The following GALNT16 variants were observed in gnomAD, a reference collection of about 807,000 sequenced individuals.
GALNT16 encodes the protein UDP-GalNAc:polypeptide N-acetylgalactosaminyltransferase-like protein 1.
In GALNT16, 40 loss-of-function variants were observed where a neutral mutation model predicts 76.1. The ratio of observed to expected loss-of-function variants is 0.53; its 90% CI spans 0.41 to 0.68. The LOEUF (loss-of-function observed/expected upper bound fraction) is 0.68, where lower values mean the gene tolerates loss of function less well. GALNT16 is among the 30% of genes least tolerant of loss of function. The probability of loss-of-function intolerance (pLI) is 0.00; values close to 1 mark genes in which losing one functional copy is unlikely to be tolerated. For synonymous variants in GALNT16, 276 were observed against 285.2 expected (o/e 0.97, Z 0.32); for missense variants, 621 against 731.9 (o/e 0.85, Z 1.75).
Position 69,328,497 on chromosome 14 carries a change from G to T in GALNT16, c.616G>T (p.Val206Phe). 6.2e-7 allele frequency: 1 copy of T among 1,613,966 alleles called. No individual in the cohort carries two copies. Among genetic ancestry groups the T allele is most frequent in the African/African-American group, 1.3e-5 (1 of 75,014 alleles). Residue 206 changes from valine to phenylalanine, a missense_variant, in exon 6 of 15, where the codon GTT becomes TTT. By Grantham distance (50) the Val-to-Phe change is conservative. Coordinates refer to ENST00000448469, the MANE Select transcript of GALNT16 (RefSeq NM_001168368.2). ...TGGGGCGGACGTGGCTGCAGCTACC[G>T]TTCTCACCTTTCTGGATAGCCACTG... is the stretch of plus-strand genomic sequence containing the variant. ...VRGADVAAAT[V>F]LTFLDSHCEV...
At chr14:69,359,412 A>G (rs971693374), downstream of GALNT16, 1 of 152,136 alleles carries the variant, frequency 6.6e-6, no homozygotes, top group Non-Finnish European at 1.5e-5. Flanking sequence ...ACACTTGTCC[A>G]TTTTTCGTCT....
chr14:69,363,677 T>TAATGAATGAATGAATGAATGAATG, the GALNT16 span, among the ~76,000 whole-genome samples: 150 of 151,978 alleles, frequency 9.9e-4, 2 homozygotes, highest in South Asian at 0.011. Context: ...AAGTGTGTGC[T>TAATGAATGAATGAATGAATGAATG]AATGAATGAA....
At chr14:69,288,883 TC>T (rs1178122568) in intron 1 of GALNT16, among the ~76,000 whole-genome samples, 1 of 151,818 alleles carries the variant, frequency 6.6e-6, no homozygotes, top group Admixed American at 6.6e-5. Flanking sequence ...ATAGAAGTCT[TC>T]TTTTTTTTTT....
chr14:69,322,925 G>GGGGTGTGTGTGT (rs797021875), intron 2 of GALNT16, among the ~76,000 whole-genome samples: 49 of 103,856 alleles, frequency 4.7e-4, no homozygotes, highest in African/African-American at 1.9e-3. Context: ...TGGCTCACGG[G>GGGGTGTGTGTGT]GTGTGTGTGT....
chr14:69,339,493 G>A, intron 10 of GALNT16, 34 bp from the exon 11 acceptor site: 5 of 1,293,416 alleles, frequency 3.9e-6, no homozygotes, highest in South Asian at 2.4e-5. Context: ...TTGCTTCCCT[G>A]GTGACCTTAT....
Position 69,260,226 on chromosome 14 carries a change from G to T in GALNT16, c.-65G>T. 8.3e-7 allele frequency: 1 copy of T among 1,209,642 alleles called. No homozygotes were observed. 74.9% of individuals were successfully genotyped at this position (1,209,642 alleles called of 1,614,324 possible). A position where few individuals can be genotyped will look rare whatever the true frequency, so the allele number is the denominator to read the frequency against. ...AAAACAAACAGCTGGGGCTGCGAGC[G>T]CCCCCGCCCCGGCCCCGAGAGCACG... On this transcript the variant is annotated 5_prime_UTR_variant, in exon 1 of 15. Coordinates refer to ENST00000448469, the MANE Select transcript of GALNT16 (RefSeq NM_001168368.2).
chr14:69,338,208 C>G (rs1204931708), intron 9 of GALNT16, among the ~76,000 whole-genome samples: 1 of 152,246 alleles, frequency 6.6e-6, no homozygotes, highest in Non-Finnish European at 1.5e-5. Flanking sequence ...CAAGAGGTGC[C>G]AGCTGGAGCA....
At chr14:69,292,749 T>A (rs2044703407) in intron 1 of GALNT16, among the ~76,000 whole-genome samples, 1 of 152,256 alleles carries the variant, frequency 6.6e-6, no homozygotes, top group Non-Finnish European at 1.5e-5. Flanking sequence ...CTAGTGATGG[T>A]GGCTTCCCCC....
chr14:69,325,550 C>T (rs1267689296), intron 4 of GALNT16, 146 bp downstream of exon 4: 3 of 662,232 alleles, frequency 4.5e-6, no homozygotes, highest in Middle Eastern at 3.9e-4. Flanking sequence ...TCTAGGACCC[C>T]TCCCTGGTCC....
At chr14:69,294,993 A>G (rs1277328254) in intron 1 of GALNT16, among the ~76,000 whole-genome samples, 2 of 152,178 alleles carry the variant, frequency 1.3e-5, no homozygotes, top group Non-Finnish European at 1.5e-5. Flanking sequence ...TTTTTCATTC[A>G]CCAGATGATA....
At chr14:69,293,300 G>A (rs72722128) in intron 1 of GALNT16, among the ~76,000 whole-genome samples, 32,867 of 152,108 alleles carry the variant, frequency 0.22, 3,571 homozygotes, top group Middle Eastern at 0.28. Context: ...ACCCCTTAAT[G>A]TCTAAACCAG....
At chr14:69,354,560 A>G (rs2045677575), downstream of GALNT16, 1 of 152,682 alleles carries the variant, frequency 6.5e-6, no homozygotes, top group East Asian at 1.9e-4. Flanking sequence ...TCCTTTCTGT[A>G]AAAGTGAAAC....
At chr14:69,343,171 G>C (rs928615314) in intron 12 of GALNT16, among the ~76,000 whole-genome samples, 12 of 152,194 alleles carry the variant, frequency 7.9e-5, no homozygotes, top group African/African-American at 2.7e-4. Flanking sequence ...TCACCTTGGG[G>C]AACACGTGTC....
intron 2 of GALNT16, among the ~76,000 whole-genome samples, chr14:69,323,534 C>G (rs1050227963): frequency 3.9e-5 from 6 of 152,250 alleles, no homozygotes; most frequent in Admixed American, 3.9e-4. Flanking sequence ...GGAGGGTGCA[C>G]ACTTAGGAGG....
chr14:69,327,941 T>A (rs2045306186), intron 5 of GALNT16, among the ~76,000 whole-genome samples: 1 of 152,186 alleles, frequency 6.6e-6, no homozygotes, highest in Non-Finnish European at 1.5e-5. Context: ...TTATTATCTC[T>A]CTGAATCTTA....
At chr14:69,312,557 G>A (rs1566875729) in intron 1 of GALNT16, among the ~76,000 whole-genome samples, 1 of 152,238 alleles carries the variant, frequency 6.6e-6, no homozygotes, top group Admixed American at 6.5e-5. Flanking sequence ...CGTTAGGTGT[G>A]ACTGCTGCTG....
the GALNT16 span, among the ~76,000 whole-genome samples, chr14:69,366,201 C>G: frequency 6.6e-6 from 1 of 152,206 alleles, no homozygotes; most frequent in Non-Finnish European, 1.5e-5. Context: ...GAATGAGCAG[C>G]ATGGGTAGAG....
At chr14:69,302,183 T>A (rs1225946524) in intron 1 of GALNT16, among the ~76,000 whole-genome samples, 3 of 152,180 alleles carry the variant, frequency 2.0e-5, no homozygotes, top group Non-Finnish European at 4.4e-5. Flanking sequence ...ATTAGTGTCA[T>A]CTGAGAAGGT....
At chr14:69,344,491 G>A (rs1216347952) in intron 12 of GALNT16, among the ~76,000 whole-genome samples, 3 of 152,234 alleles carry the variant, frequency 2.0e-5, no homozygotes, top group Non-Finnish European at 4.4e-5. Context: ...AGAAGGAAGT[G>A]GATGCAGAGT....
Sources: gnomAD v4.1 joint callset for allele counts (sites outside exome capture counted in the v4.1 genomes callset) on GRCh38, gnomAD v4.1.1 for gene constraint, MANE v1.5 for transcripts, NCBI Gene and HGNC (gene_info 2026-07-23, HGNC 2026-07-21) for gene names.